SPECC1: variants seen among roughly 807,000 people sequenced by gnomAD.
SPECC1 encodes the protein sperm antigen with calponin homology and coiled-coil domains 1.
In SPECC1, 62 loss-of-function variants were observed where a neutral mutation model predicts 104.1. The ratio of observed to expected loss-of-function variants is 0.60; its 90% CI spans 0.49 to 0.74. The LOEUF is 0.74. Ranked by LOEUF, SPECC1 falls within the 30% of genes least tolerant of loss-of-function variation. The pLI is 0.00. For synonymous variants in SPECC1, 513 were observed against 501.6 expected (o/e 1.02, Z -0.30); for missense variants, 1,306 against 1,310.5 (o/e 1.00, Z 0.05).
intron 1 of SPECC1, among the ~76,000 whole-genome samples, chr17:20,088,712 G>A (rs1449224544): frequency 6.6e-6 from 1 of 152,142 alleles, no homozygotes; most frequent in African/African-American, 2.4e-5. Flanking sequence ...TGGCTCAGCC[G>A]AGCTCAGGCA....
At chr17:20,199,622 C>G (rs1276763270) in intron 3 of SPECC1, among the ~76,000 whole-genome samples, 1 of 151,486 alleles carries the variant, frequency 6.6e-6, no homozygotes, top group African/African-American at 2.4e-5. Context: ...CCAGGCTGTT[C>G]TTGAACTCCT....
rs368898514 is a variant in SPECC1 at position 20,079,754 on chromosome 17, T to C, written c.-21-16877T>C. Among the ~76,000 whole-genome samples the C allele has an allele frequency of 9.9e-5, 15 of 151,828 alleles. No homozygotes were observed. In the East Asian group the frequency reaches 2.3e-3, roughly 23 times the overall value. ...CAGCCTCCAGGGACCTACGCATGGG[T>C]TGGGGAGGAGGGACAGTAAACACTG... On this transcript the variant is annotated intron_variant, in intron 1 of 14. Transcript: ENST00000395527.
At chr17:20,187,921 G>T (rs973237753) in intron 3 of SPECC1, among the ~76,000 whole-genome samples, 1 of 152,212 alleles carries the variant, frequency 6.6e-6, no homozygotes. Flanking sequence ...CAGATGTCAC[G>T]TGGAAGAGGC....
At chr17:20,120,201 T>A (rs1268005325) in intron 3 of SPECC1, among the ~76,000 whole-genome samples, 2 of 152,138 alleles carry the variant, frequency 1.3e-5, no homozygotes, top group Non-Finnish European at 2.9e-5. Context: ...CTGGCCAACA[T>A]GGCGAAACCC....
At chr17:20,072,669 A>C (rs2152482896) in intron 1 of SPECC1, among the ~76,000 whole-genome samples, 1 of 152,330 alleles carries the variant, frequency 6.6e-6, no homozygotes, top group Non-Finnish European at 1.5e-5. Flanking sequence ...TTAGAATTAT[A>C]GTGAACATGG....
chr17:20,083,466 A>C (rs1406801526), intron 1 of SPECC1, among the ~76,000 whole-genome samples: 2 of 152,248 alleles, frequency 1.3e-5, no homozygotes, highest in African/African-American at 4.8e-5. Flanking sequence ...AAGATGGGTA[A>C]GATTTGTGTA....
chr17:20,120,943 G>A (rs1306294696), intron 3 of SPECC1, among the ~76,000 whole-genome samples: 1 of 152,136 alleles, frequency 6.6e-6, no homozygotes, highest in African/African-American at 2.4e-5. Flanking sequence ...TCTGTCATGG[G>A]TGGTATTGGA....
At chr17:20,086,123 A>T (rs34401389) in intron 1 of SPECC1, among the ~76,000 whole-genome samples, 76,582 of 152,050 alleles carry the variant, frequency 0.5, 19,798 homozygotes, top group Middle Eastern at 0.6. Context: ...TGCTGCCTGC[A>T]GTCCCACTGC....
At chr17:20,161,818 A>G (rs1178489517) in intron 3 of SPECC1, among the ~76,000 whole-genome samples, 1 of 142,962 alleles carries the variant, frequency 7.0e-6, no homozygotes, top group Non-Finnish European at 1.5e-5. Context: ...TTTTTGAGAC[A>G]GAGTCTCATT....
chr17:20,223,569 A>T (rs1256554462), intron 4 of SPECC1, among the ~76,000 whole-genome samples: 1 of 151,948 alleles, frequency 6.6e-6, no homozygotes, highest in Non-Finnish European at 1.5e-5. Flanking sequence ...GCTACTCAGG[A>T]GGCTGAGGCA....
intron 3 of SPECC1, among the ~76,000 whole-genome samples, chr17:20,123,764 C>T (rs781600000): frequency 1.3e-5 from 2 of 152,182 alleles, no homozygotes. Context: ...TTACTATTAC[C>T]GGTGACTAGC....
chr17:20,084,365 G>T (rs1036001979), intron 1 of SPECC1, among the ~76,000 whole-genome samples: 4 of 152,112 alleles, frequency 2.6e-5, no homozygotes, highest in Admixed American at 6.5e-5. Context: ...GGAGGCAGAG[G>T]TTGCAGTGAG....
chr17:20,058,327 T>C (rs887910627), intron 1 of SPECC1, among the ~76,000 whole-genome samples: 1 of 152,188 alleles, frequency 6.6e-6, no homozygotes, highest in African/African-American at 2.4e-5. Flanking sequence ...ATGACTGTAG[T>C]GCGACTTAAA....
chr17:20,064,458 G>A (rs970765878), intron 1 of SPECC1, among the ~76,000 whole-genome samples: 2 of 152,198 alleles, frequency 1.3e-5, no homozygotes, highest in Admixed American at 1.3e-4. Context: ...TGTATGCATA[G>A]CCTTATTGTA....
In SPECC1 at chr17:20,205,300, T is replaced by G. The variant is rs1294137093; in HGVS notation, c.1251T>G (p.Asp417Glu). ...ELTAENEKLV[D>E]EKTILETSFH... ...CAGCTGAAAATGAGAAGCTGGTGGA[T>G]GAAAAGACGATTTTAGAGACATCCT... is the stretch of plus-strand genomic sequence containing the variant. The change falls in exon 4 of 15, where the codon GAT becomes GAG. Residue 417 changes from aspartate (D) to glutamate (E), a missense_variant. Physicochemically the swap from Asp to Glu is conservative, Grantham distance 45 (BLOSUM62 2). Around this residue, in one of 2 missense-constraint regions of SPECC1, gnomAD observed 1,177 missense variants for 1,139.9 expected, o/e 1.03. Coordinates refer to ENST00000395527, the MANE Select transcript of SPECC1 (RefSeq NM_001243439.2). The G allele has an allele frequency of 1.2e-6, 2 of 1,614,024 alleles. No homozygotes were observed. Among genetic ancestry groups the G allele is most frequent in the Non-Finnish European group, 1.7e-6 (2 of 1,180,044 alleles).
chr17:20,307,611 G>A (rs905415181), intron 14 of SPECC1, among the ~76,000 whole-genome samples: 1 of 152,216 alleles, frequency 6.6e-6, no homozygotes, highest in Non-Finnish European at 1.5e-5. Context: ...TTAGTGGGAA[G>A]CCTGCGAGGG....
intron 1 of SPECC1, among the ~76,000 whole-genome samples, chr17:20,027,644 C>T (rs1034228597): frequency 3.3e-5 from 5 of 152,014 alleles, no homozygotes; most frequent in African/African-American, 1.2e-4. Context: ...TTCTGCATAT[C>T]GATATCCAGT....
chr17:20,100,304 C>T (rs1187195674), intron 2 of SPECC1, among the ~76,000 whole-genome samples: 2 of 152,082 alleles, frequency 1.3e-5, no homozygotes, highest in Admixed American at 6.5e-5. Flanking sequence ...TGACCTTAAT[C>T]TTTCCACCTA....
chr17:20,149,839 T>TA (rs1043785354), intron 3 of SPECC1, among the ~76,000 whole-genome samples: 11 of 152,256 alleles, frequency 7.2e-5, no homozygotes, highest in East Asian at 1.9e-4. Flanking sequence ...TAATTTGAGT[T>TA]AAAAAAACAG....
Sources: gnomAD v4.1 joint callset for allele counts (sites outside exome capture counted in the v4.1 genomes callset) on GRCh38, gnomAD v4.1.1 for gene constraint, gnomAD v4.1.1 regional missense constraint, MANE v1.5 for transcripts, NCBI Gene and HGNC (gene_info 2026-07-23, HGNC 2026-07-21) for gene names.